CLVS1: variants seen among roughly 807,000 people sequenced by gnomAD.
CLVS1 encodes clavesin 1, also known as clavesin-1.
In CLVS1, 10 loss-of-function variants were observed where a neutral mutation model predicts 33.1. That is an observed-to-expected ratio of 0.30 (90% CI 0.19 to 0.51). CLVS1 has a LOEUF of 0.51. Ranked by LOEUF, CLVS1 falls within the 20% of genes least tolerant of loss-of-function variation. The pLI is 0.97. For synonymous variants in CLVS1, 163 were observed against 166.1 expected (o/e 0.98, Z 0.14); for missense variants, 343 against 433.4 (o/e 0.79, Z 1.85).
upstream of CLVS1, among the ~76,000 whole-genome samples, chr8:61,286,052 T>G (rs909526976): frequency 6.6e-6 from 1 of 151,858 alleles, no homozygotes; most frequent in African/African-American, 2.4e-5. Flanking sequence ...TGAGTTTGAA[T>G]TAGTCAGGAT....
chr8:61,375,998 A>G lies in CLVS1; in HGVS notation c.456-607A>G, dbSNP rs1049475819. Among the ~76,000 whole-genome samples, 12 of 152,314 alleles carry G rather than the reference A, an allele frequency of 7.9e-5. No individual in the cohort carries two copies. In the East Asian group the frequency reaches 9.6e-4, roughly 12 times the overall value. ...TGTACTCAAAGCGAATTCCCTCCCA[A>G]ATCACACTCTGTAGACCTTCACTGA... On this transcript the variant is annotated intron_variant, in intron 2 of 5. Coordinates refer to ENST00000325897, the MANE Select transcript of CLVS1 (RefSeq NM_173519.3).
At chr8:61,496,303 C>T (rs1290892652) in intron 5 of CLVS1, among the ~76,000 whole-genome samples, 6 of 152,148 alleles carry the variant, frequency 3.9e-5, no homozygotes, top group Admixed American at 3.9e-4. Context: ...TCCTTTTCCA[C>T]AGGGTCCGTA....
intron 3 of CLVS1, among the ~76,000 whole-genome samples, chr8:61,385,455 G>T (rs1452393346): frequency 6.6e-6 from 1 of 152,174 alleles, no homozygotes; most frequent in East Asian, 1.9e-4. Context: ...GGACTCTGTT[G>T]GAAAGAAACT....
intron 1 of CLVS1, among the ~76,000 whole-genome samples, chr8:61,084,290 T>C (rs1159355522): frequency 6.6e-6 from 1 of 152,196 alleles, no homozygotes; most frequent in Non-Finnish European, 1.5e-5. Context: ...CCTGGACAAC[T>C]AGACAACTTG....
the CLVS1 span, among the ~76,000 whole-genome samples, chr8:61,042,201 G>A: frequency 6.6e-6 from 1 of 152,160 alleles, no homozygotes; most frequent in Non-Finnish European, 1.5e-5. Flanking sequence ...TCTCTCATAA[G>A]GTCATGAGGA....
chr8:61,168,906 A>C (rs540689196), intron 2 of CLVS1, among the ~76,000 whole-genome samples: 17 of 152,348 alleles, frequency 1.1e-4, no homozygotes, highest in African/African-American at 4.1e-4. Flanking sequence ...CCAGTTGCAG[A>C]CTAGATTATA....
the CLVS1 span, among the ~76,000 whole-genome samples, chr8:60,974,313 G>T: frequency 6.6e-6 from 1 of 152,180 alleles, no homozygotes; most frequent in South Asian, 2.1e-4. Flanking sequence ...CTGCCAAACT[G>T]CTCTCATTTG....
chr8:61,023,676 G>C, the CLVS1 span, among the ~76,000 whole-genome samples: 1 of 152,050 alleles, frequency 6.6e-6, no homozygotes. Flanking sequence ...GTCGCAGCTC[G>C]GAGCGCCATC....
chr8:61,172,705 T>G (rs1290459261), intron 2 of CLVS1, among the ~76,000 whole-genome samples: 2 of 152,088 alleles, frequency 1.3e-5, no homozygotes, highest in African/African-American at 2.4e-5. Flanking sequence ...CAATGAAAAT[T>G]TATCGTATTT....
rs1554538183 is a variant in CLVS1 at position 61,130,267 on chromosome 8, A to ATAAATAAG, written c.-242-1496_-242-1495insGTAAATAA. 3.0e-3 allele frequency among the ~76,000 whole-genome samples: 446 copies of ATAAATAAG among 150,618 alleles called. 3 individuals carry two copies. Among genetic ancestry groups the ATAAATAAG allele is most frequent in the African/African-American group, 9.0e-3 (370 of 41,142 alleles). ...AATAAATAAATAAATAAATAAATAA[A>ATAAATAAG]TAAATAAATATAAAAATAATTTAAA... On this transcript the variant is annotated intron_variant, in intron 1 of 2. Transcript: ENST00000522621.
chr8:61,307,424 C>T (rs1030433542), intron 2 of CLVS1, among the ~76,000 whole-genome samples: 2 of 152,022 alleles, frequency 1.3e-5, no homozygotes, highest in Admixed American at 1.3e-4. Flanking sequence ...GAGGTTCTTT[C>T]TCCCCAGAAT....
Position 61,330,490 on chromosome 8 carries a change from G to A in CLVS1, c.455+30208G>A, listed in dbSNP as rs375218395. ...TGGAGGTCTTCTCACTCCTTACCCG[G>A]CCTTCCAATGTAAGGGACCAGTGTG... On this transcript the variant is annotated intron_variant, in intron 2 of 5. Transcript: ENST00000325897. 2.9e-4 allele frequency among the ~76,000 whole-genome samples: 44 copies of A among 152,296 alleles called. No homozygotes were observed. The East Asian group carries it at 8.1e-3, about 28-fold the overall frequency.
At chr8:61,433,297 T>A (rs1816184537) in intron 3 of CLVS1, among the ~76,000 whole-genome samples, 2 of 152,208 alleles carry the variant, frequency 1.3e-5, no homozygotes, top group African/African-American at 4.8e-5. Context: ...GTTCAGTGAA[T>A]CTGTATTTTA....
At chr8:61,271,366 T>A (rs1809434418) in intron 2 of CLVS1, among the ~76,000 whole-genome samples, 1 of 150,560 alleles carries the variant, frequency 6.6e-6, no homozygotes, top group Admixed American at 6.6e-5. Flanking sequence ...TTGATTGCAC[T>A]GTGGTCTGAG....
In CLVS1 at chr8:61,467,542, T is replaced by G. The variant is rs1223310309; in HGVS notation, c.977+9000T>G. Among the ~76,000 whole-genome samples the G allele has an allele frequency of 2.6e-5, 4 of 152,130 alleles. No individual in the cohort carries two copies. The South Asian group carries it at 8.3e-4, about 32-fold the overall frequency. ...GGAATGAGAAGTGTGTTCATTCTGG[T>G]GGACAGGCACGGGTACAAATCCTGG... On this transcript the variant is annotated intron_variant, in intron 5 of 5. Coordinates refer to ENST00000325897, the MANE Select transcript of CLVS1 (RefSeq NM_173519.3).
chr8:61,246,247 G>GGAAC (rs1202048665), intron 2 of CLVS1, among the ~76,000 whole-genome samples: 1 of 125,216 alleles, frequency 8.0e-6, no homozygotes, highest in Non-Finnish European at 1.6e-5. Flanking sequence ...TCGGCTCACT[G>GGAAC]GAACCTCTGC....
intron 2 of CLVS1, among the ~76,000 whole-genome samples, chr8:61,359,593 T>C (rs1392990965): frequency 6.6e-6 from 1 of 152,144 alleles, no homozygotes; most frequent in Non-Finnish European, 1.5e-5. Flanking sequence ...TGGCCTTGGG[T>C]GATCCACCTG....
intron 2 of CLVS1, among the ~76,000 whole-genome samples, chr8:61,339,721 G>A (rs1811943911): frequency 6.6e-6 from 1 of 151,404 alleles, no homozygotes; most frequent in African/African-American, 2.4e-5. Flanking sequence ...AAGAGAGAAA[G>A]AGGGAAGGAG....
intron 2 of CLVS1, among the ~76,000 whole-genome samples, chr8:61,313,292 G>C (rs1288168365): frequency 6.6e-6 from 1 of 152,086 alleles, no homozygotes; most frequent in Non-Finnish European, 1.5e-5. Flanking sequence ...ACCATGTAAG[G>C]GTCTAGAAGA....
Sources: allele counts gnomAD v4.1 joint callset (sites outside exome capture counted in the v4.1 genomes callset), GRCh38; gene constraint gnomAD v4.1.1; transcripts MANE v1.5; gene names NCBI Gene and HGNC (gene_info 2026-07-23, HGNC 2026-07-21).